The following STAB2 variants were observed in gnomAD, a reference collection of about 807,000 sequenced individuals.
STAB2 encodes the protein stabilin-2.
Under a neutral mutation model 338.1 loss-of-function variants are expected in STAB2, and 288 were observed. That is an observed-to-expected ratio of 0.85 (90% CI 0.77 to 0.94). STAB2 has a LOEUF of 0.94. Ranked by LOEUF, STAB2 falls within the 40% of genes least tolerant of loss-of-function variation. The pLI is 0.00. For missense variants in STAB2, 3,141 were observed against 3,210.1 expected (o/e 0.98, Z 0.52); for synonymous variants, 1,202 against 1,193.3 (o/e 1.01, Z -0.15).
intron 23 of STAB2, 111 bp from the exon 24 acceptor site, chr12:103,675,817 A>G: frequency 1.3e-6 from 1 of 759,100 alleles, no homozygotes. Context: ...CCTCCACAGG[A>G]GCAAAGGATG....
At chr12:103,714,329 G>GA (rs974056917) in intron 42 of STAB2, among the ~76,000 whole-genome samples, 8 of 152,098 alleles carry the variant, frequency 5.3e-5, no homozygotes, top group African/African-American at 1.4e-4. Context: ...TGTTTAGTTA[G>GA]AAAAAAATTG....
intron 52 of STAB2, among the ~76,000 whole-genome samples, chr12:103,737,292 T>A (rs1420430421): frequency 6.6e-6 from 1 of 152,214 alleles, no homozygotes; most frequent in Non-Finnish European, 1.5e-5. Flanking sequence ...CACACCACCA[T>A]TCACTGGGCA....
At chr12:103,728,376 C>T (rs1221527769) in intron 47 of STAB2, among the ~76,000 whole-genome samples, 2 of 152,184 alleles carry the variant, frequency 1.3e-5, no homozygotes, top group African/African-American at 4.8e-5. Flanking sequence ...TCCCAGAGTG[C>T]TGGGATTACA....
intron 49 of STAB2, among the ~76,000 whole-genome samples, chr12:103,730,989 G>C (rs1881591584): frequency 6.6e-6 from 1 of 152,206 alleles, no homozygotes; most frequent in Admixed American, 6.5e-5. Flanking sequence ...TCAGATGCTT[G>C]CAGTGAGCTG....
rs1882512363 is a variant in STAB2 at position 103,740,701 on chromosome 12, C to T, written c.5826C>T (p.Ser1942=). ...RNLEGCRERC[S]LVIQIPRCCK... is the part of the protein sequence containing the mutation. ...TGGAAGGCTGCCGGGAGCGGTGCAGCCTGGTGATACAGATCCCCAGGTGCT... is the reference window on the plus strand; with the variant it reads ...TGGAAGGCTGCCGGGAGCGGTGCAGTCTGGTGATACAGATCCCCAGGTGCT... Residue 1942 remains serine (S), a synonymous_variant, in exon 55 of 69, where the codon AGC becomes AGT. Coordinates refer to ENST00000388887, the MANE Select transcript of STAB2 (RefSeq NM_017564.10). 1 of 1,608,262 alleles carries T rather than the reference C, an allele frequency of 6.2e-7. No homozygotes were observed. The highest frequency in any genetic ancestry group is 1.3e-5 in the African/African-American group (1 of 74,676).
chr12:103,588,726 A>G (rs1305137014), intron 1 of STAB2, among the ~76,000 whole-genome samples: 1 of 152,196 alleles, frequency 6.6e-6, no homozygotes, highest in African/African-American at 2.4e-5. Flanking sequence ...AAGAAAAGAC[A>G]AAGTACTGTA....
At chr12:103,690,701 A>G (rs1877860578) in intron 30 of STAB2, among the ~76,000 whole-genome samples, 163 bp downstream of exon 30, 1 of 152,248 alleles carries the variant, frequency 6.6e-6, no homozygotes, top group Non-Finnish European at 1.5e-5. Flanking sequence ...ATCATCATAT[A>G]TCAATACATA....
At chr12:103,729,879 C>A (rs992195380) in intron 48 of STAB2, among the ~76,000 whole-genome samples, 2 of 152,152 alleles carry the variant, frequency 1.3e-5, no homozygotes, top group Non-Finnish European at 2.9e-5. Flanking sequence ...ATTGGAGAAT[C>A]ATATTGAAAT....
intron 1 of STAB2, among the ~76,000 whole-genome samples, chr12:103,588,508 CCAT>C (rs562415897): frequency 1.6e-3 from 244 of 152,084 alleles, no homozygotes; most frequent in African/African-American, 5.1e-3. Flanking sequence ...TTCTTAATCA[CCAT>C]CATCATCATC....
intron 6 of STAB2, among the ~76,000 whole-genome samples, chr12:103,636,622 G>T (rs1015473086): frequency 1.3e-5 from 2 of 152,158 alleles, no homozygotes; most frequent in African/African-American, 4.8e-5. Flanking sequence ...CCTGCTGTAA[G>T]TATTAAGCTG....
In STAB2 at chr12:103,705,720, C is replaced by A. The variant is rs201821239; in HGVS notation, c.3989C>A (p.Thr1330Asn). The A allele has an allele frequency of 4.4e-4, 706 of 1,614,104 alleles. 5 individuals carry two copies. In the Middle Eastern group the frequency reaches 6.4e-3, roughly 15 times the overall value. Residue 1330 changes from threonine (T) to asparagine (N), a missense_variant, in exon 37 of 69, where the codon ACC becomes AAC. Coordinates refer to ENST00000388887, the MANE Select transcript of STAB2 (RefSeq NM_017564.10). ...FIGCQPKCVR[T>N]VITRECCAGF... ...GGGTGCCAGCCAAAATGTGTGAGAA[C>A]CGTCATTGTGAGTACAATAATTGAA... is the stretch of plus-strand genomic sequence containing the variant.
At chr12:103,653,413 G>T (rs544678398) in intron 12 of STAB2, among the ~76,000 whole-genome samples, 3 of 152,342 alleles carry the variant, frequency 2.0e-5, no homozygotes, top group East Asian at 1.9e-4. Context: ...AATCCCTGTT[G>T]CTCCAGTAAG....
At chr12:103,670,125 C>T (rs17034333) in intron 21 of STAB2, among the ~76,000 whole-genome samples, 11,026 of 151,896 alleles carry the variant, frequency 0.073, 542 homozygotes, top group East Asian at 0.21. Context: ...TTAATAAGCC[C>T]GCCTCTAAAA....
intron 43 of STAB2, among the ~76,000 whole-genome samples, chr12:103,716,158 G>T (rs1213456221): frequency 6.6e-6 from 1 of 152,214 alleles, no homozygotes; most frequent in Non-Finnish European, 1.5e-5. Context: ...GAAGCATCTA[G>T]ACAGTCCCCT....
At chr12:103,710,014 A>G (rs1481002962) in intron 39 of STAB2, among the ~76,000 whole-genome samples, 2 of 151,940 alleles carry the variant, frequency 1.3e-5, no homozygotes, top group Admixed American at 6.6e-5. Context: ...ATGTCTCCAC[A>G]TCTCTCAATC....
chr12:103,672,987 G>A (rs1224138991), intron 22 of STAB2, among the ~76,000 whole-genome samples: 1 of 152,090 alleles, frequency 6.6e-6, no homozygotes, highest in African/African-American at 2.4e-5. Flanking sequence ...TGAAAAATGG[G>A]GGATATAAAA....
rs2292685 is a variant in STAB2, at chr12:103,748,892, C to T, written c.6245-71C>T. On this transcript the variant is annotated intron_variant, in intron 58 of 68. Coordinates refer to ENST00000388887, the MANE Select transcript of STAB2 (RefSeq NM_017564.10). ...CCAACACCACTAGTGCTGTGGTGCC[C>T]CATACCCTGACCTGAAGCCCTAGTT... The T allele has an allele frequency of 4.6e-3, 7,016 of 1,521,650 alleles. 231 individuals are homozygous for T. The East Asian group carries it at 0.073, about 16-fold the overall frequency. 94.3% of individuals were successfully genotyped at this position (1,521,650 alleles called of 1,614,324 possible). A position where few individuals can be genotyped will look rare whatever the true frequency, so the allele number is the denominator to read the frequency against.
At chr12:103,713,059 C>T (rs1442630413) in intron 41 of STAB2, among the ~76,000 whole-genome samples, 1 of 152,158 alleles carries the variant, frequency 6.6e-6, no homozygotes, top group African/African-American at 2.4e-5. Flanking sequence ...ATACTTATTA[C>T]TTACATTACC....
At chr12:103,633,016 A>C (rs1005257406) in intron 6 of STAB2, among the ~76,000 whole-genome samples, 6 of 152,234 alleles carry the variant, frequency 3.9e-5, no homozygotes, top group Non-Finnish European at 8.8e-5. Flanking sequence ...TGGTAGTAAC[A>C]GGATGAATAA....
Sources: allele counts gnomAD v4.1 joint callset (sites outside exome capture counted in the v4.1 genomes callset), GRCh38; gene constraint gnomAD v4.1.1; transcripts MANE v1.5; gene names NCBI Gene and HGNC (gene_info 2026-07-23, HGNC 2026-07-21).